The following CLN8 variants were observed in gnomAD, a reference collection of about 807,000 sequenced individuals.
The protein encoded by CLN8 is CLN8 transmembrane ER and ERGIC protein, also known as protein CLN8.
Under a neutral mutation model 15.7 loss-of-function variants are expected in CLN8, and 14 were observed. The observed-to-expected ratio is 0.89, with a 90% CI of 0.59 to 1.39. The LOEUF (loss-of-function observed/expected upper bound fraction) is 1.39, where lower values mean the gene tolerates loss of function less well. Among genes scored for constraint, CLN8 ranks in the 40% most tolerant of loss-of-function variants. The pLI is 0.00. For missense variants in CLN8, 415 were observed against 364.0 expected (o/e 1.14, Z -1.14); for synonymous variants, 188 against 151.0 (o/e 1.25, Z -1.80).
At chr8:1,759,058 C>T (rs1249507513), upstream of CLN8, 1 of 152,142 alleles carries the variant, frequency 6.6e-6, no homozygotes. Context: ...TGATGCTATA[C>T]TAGAGTCAGG....
chr8:1,775,838 C>T (rs951191002), intron 2 of CLN8, among the ~76,000 whole-genome samples: 2 of 152,232 alleles, frequency 1.3e-5, no homozygotes, highest in African/African-American at 4.8e-5. Flanking sequence ...ATACTGTACG[C>T]TCTCTTGAGG....
At chr8:1,774,707 G>A (rs1364940101) in intron 2 of CLN8, among the ~76,000 whole-genome samples, 3 of 152,192 alleles carry the variant, frequency 2.0e-5, no homozygotes, top group African/African-American at 7.2e-5. Flanking sequence ...TAAAAGCACT[G>A]TCAGGCCAAG....
In CLN8 at chr8:1,783,754, G is replaced by A. The variant is rs765296138; in HGVS notation, c.*3187G>A. 6 of 152,066 alleles carry A rather than the reference G, an allele frequency of 3.9e-5. No homozygotes were observed. Among genetic ancestry groups the A allele is most frequent in the South Asian group, 2.1e-4 (1 of 4,822 alleles). The allele number at this position is 152,066 out of a possible 1,614,324, so 9.4% of individuals were successfully genotyped here. A position where few individuals can be genotyped will look rare whatever the true frequency, so the allele number is the denominator to read the frequency against. ...AGGGACATGATTTTCCATTTTCTTC[G>A]CCCGGACAACTTGAATGAAATGGGC... On this transcript the variant is annotated 3_prime_UTR_variant, in exon 3 of 3. Transcript: ENST00000331222.
intron 2 of CLN8, among the ~76,000 whole-genome samples, chr8:1,772,544 C>T (rs1249885170): frequency 2.6e-5 from 4 of 152,098 alleles, no homozygotes; most frequent in South Asian, 2.1e-4. Flanking sequence ...CTGCAACCTC[C>T]GCCACCCGGA....
chr8:1,766,696 G>A (rs1005719682), intron 1 of CLN8, among the ~76,000 whole-genome samples: 2 of 152,044 alleles, frequency 1.3e-5, no homozygotes, highest in African/African-American at 2.4e-5. Context: ...CGGCCGATTC[G>A]GCCTCCAGTT....
At chr8:1,760,876 G>C (rs756843824), upstream of CLN8, among the ~76,000 whole-genome samples, 1 of 152,208 alleles carries the variant, frequency 6.6e-6, no homozygotes, top group Non-Finnish European at 1.5e-5. Context: ...AAGGCATCTT[G>C]TATCAATGTA....
rs1801805515 is a variant in CLN8 at position 1,785,318 on chromosome 8, G to A, written c.*4751G>A. ...ACTACGGTGACACAGGCGGCGTGCG[G>A]TTAGACAGGTACCGGTCAGATTACG... On this transcript the variant is annotated 3_prime_UTR_variant, in exon 3 of 3. Coordinates refer to ENST00000331222, the MANE Select transcript of CLN8 (RefSeq NM_018941.4). 5.6e-6 allele frequency: 1 copy of A among 179,566 alleles called. No individual in the cohort carries two copies. The highest frequency in any genetic ancestry group is 2.4e-5 in the African/African-American group (1 of 41,438). The allele number at this position is 179,566 out of a possible 1,614,324, so 11.1% of individuals were successfully genotyped here.
intron 1 of CLN8, among the ~76,000 whole-genome samples, chr8:1,770,365 C>G (rs1453955035): frequency 2.0e-5 from 3 of 152,096 alleles, no homozygotes; most frequent in Non-Finnish European, 1.5e-5. Context: ...GAGAGTGGAA[C>G]CAGAGAAGGT....
chr8:1,761,899 C>G (rs1800806100), upstream of CLN8: 1 of 152,230 alleles, frequency 6.6e-6, no homozygotes, highest in Admixed American at 6.5e-5. Flanking sequence ...TAGGGAGGGT[C>G]AGAATCTTGT....
At position 1,771,052 on chromosome 8, in the gene CLN8, A is replaced by G. The variant is rs1225449727; in HGVS notation, c.-3A>G. On this transcript the variant is annotated 5_prime_UTR_variant, in exon 2 of 3. Transcript: ENST00000331222. ...GGACTCCTTTGGAATATAGCTGTGG[A>G]CAATGAATCCTGCGAGCGATGGGGG... 6.2e-7 allele frequency: 1 copy of G among 1,614,052 alleles called. No individual in the cohort carries two copies. Among genetic ancestry groups the G allele is most frequent in the Non-Finnish European group, 8.5e-7 (1 of 1,180,004 alleles).
intron 2 of CLN8, chr8:1,772,991 T>C (rs1050154807): frequency 2.5e-6 from 1 of 398,354 alleles, no homozygotes; most frequent in Non-Finnish European, 4.4e-6. Flanking sequence ...TCGAGGTGGG[T>C]AGATGATATC....
At chr8:1,753,582 A>G (rs1210247333), upstream of CLN8, among the ~76,000 whole-genome samples, 13 of 141,984 alleles carry the variant, frequency 9.2e-5, no homozygotes, top group African/African-American at 2.4e-4. Flanking sequence ...AAAAAAAAAA[A>G]AAAGAAAGAA....
upstream of CLN8, chr8:1,762,955 C>CATAAGTAACTCGAATAACAACCTTAGAG (rs1563100323): frequency 2.0e-5 from 3 of 152,136 alleles, no homozygotes; most frequent in Non-Finnish European, 2.9e-5. Context: ...ACACATTAGA[C>CATAAGTAACTCGAATAACAACCTTAGAG]AGAAGAAACA....
intron 2 of CLN8, among the ~76,000 whole-genome samples, chr8:1,776,984 C>A (rs1216931345): frequency 6.6e-6 from 1 of 152,174 alleles, no homozygotes; most frequent in Non-Finnish European, 1.5e-5. Flanking sequence ...CGTGTGATAC[C>A]GTTCCATGTA....
At chr8:1,776,636 T>C (rs891649138) in intron 2 of CLN8, among the ~76,000 whole-genome samples, 4 of 152,196 alleles carry the variant, frequency 2.6e-5, no homozygotes, top group Admixed American at 2.6e-4. Context: ...TTTCCTTTGG[T>C]TTTTGTCAGC....
Position 1,785,824 on chromosome 8 carries a change from C to T in CLN8, c.*5257C>T. 1 of 165,474 alleles carries T rather than the reference C, an allele frequency of 6.0e-6. No individual in the cohort carries two copies. 10.3% of individuals were successfully genotyped at this position (165,474 alleles called of 1,614,324 possible). A position where few individuals can be genotyped will look rare whatever the true frequency, so the allele number is the denominator to read the frequency against. On this transcript the variant is annotated 3_prime_UTR_variant, in exon 3 of 3. Transcript: ENST00000331222. ...CCCTAAACCCCTGCTGTGGCTTCGG[C>T]AGTAAAGACAGGACGCACCCATGTC...
At chr8:1,754,776 A>T (rs1329604950), upstream of CLN8, among the ~76,000 whole-genome samples, 2 of 152,162 alleles carry the variant, frequency 1.3e-5, no homozygotes, top group Non-Finnish European at 2.9e-5. Context: ...TGCTCTGAGG[A>T]TGCAATGAGC....
intron 1 of CLN8, among the ~76,000 whole-genome samples, chr8:1,769,836 A>G (rs377758524): frequency 1.3e-4 from 20 of 152,140 alleles, no homozygotes; most frequent in East Asian, 7.7e-4. Flanking sequence ...GTGCTGCATC[A>G]GGCAGAGGAG....
intron 1 of CLN8, among the ~76,000 whole-genome samples, chr8:1,770,259 A>G (rs1477103277): frequency 6.6e-6 from 1 of 152,142 alleles, no homozygotes; most frequent in East Asian, 1.9e-4. Context: ...TTTCCAGGAG[A>G]GGGCCCAGCA....
Sources: allele counts gnomAD v4.1 joint callset (sites outside exome capture counted in the v4.1 genomes callset), GRCh38; gene constraint gnomAD v4.1.1; transcripts MANE v1.5; gene names NCBI Gene and HGNC (gene_info 2026-07-23, HGNC 2026-07-21).